LINC02747: variants seen among roughly 807,000 people sequenced by gnomAD.
LINC02747 encodes the protein long independently transcribed non-coding RNA 2747, also known as CCND1-upstream intergenic DNA repair 2.
chr11:69,476,568 C>G (rs1856997118), exon 2 of LINC02747: 1 of 152,178 alleles, frequency 6.6e-6, no homozygotes, highest in African/African-American at 2.4e-5. Flanking sequence ...CACCACCTCC[C>G]CCTTCCCTCT....
exon 2 of LINC02747, chr11:69,476,722 C>T (rs1856999079): frequency 6.6e-6 from 1 of 152,270 alleles, no homozygotes. Context: ...GCCAGAGCCC[C>T]CGGAGCCCCG....
chr11:69,480,524 T>C (rs994811705), intron 1 of LINC02747, among the ~76,000 whole-genome samples: 8 of 152,166 alleles, frequency 5.3e-5, no homozygotes, highest in African/African-American at 1.9e-4. Flanking sequence ...TCTTGGGAAA[T>C]TGAGAAGTCC....
intron 1 of LINC02747, among the ~76,000 whole-genome samples, chr11:69,479,254 CAAAAAAAAA>C (rs34812492): frequency 2.1e-5 from 1 of 47,538 alleles, no homozygotes; most frequent in Non-Finnish European, 4.1e-5. Context: ...GACTCTGTCT[CAAAAAAAAA>C]AAAAAAAAAA....
chr11:69,476,766 C>G (rs1409699174), exon 2 of LINC02747: 2 of 152,230 alleles, frequency 1.3e-5, no homozygotes, highest in Non-Finnish European at 2.9e-5. Flanking sequence ...GACAAAGGGT[C>G]CCTCTAGGGT....
At chr11:69,476,478 C>T (rs1264467276) in exon 2 of LINC02747, 1 of 152,174 alleles carries the variant, frequency 6.6e-6, no homozygotes, top group African/African-American at 2.4e-5. Flanking sequence ...TATCCTGCTC[C>T]TCCCGAGAAC....
At chr11:69,477,820 T>C (rs1857010411) in intron 1 of LINC02747, among the ~76,000 whole-genome samples, 1 of 151,946 alleles carries the variant, frequency 6.6e-6, no homozygotes. Flanking sequence ...GGGCAGGATG[T>C]GGGAACAGCA....
At chr11:69,478,201 G>A (rs1018450520) in intron 1 of LINC02747, among the ~76,000 whole-genome samples, 2 of 152,208 alleles carry the variant, frequency 1.3e-5, no homozygotes, top group Non-Finnish European at 2.9e-5. Context: ...CAGAAAAATG[G>A]AGGCTCCCAG....
chr11:69,479,126 G>A (rs907974407), intron 1 of LINC02747, among the ~76,000 whole-genome samples: 7 of 150,962 alleles, frequency 4.6e-5, no homozygotes, highest in African/African-American at 1.5e-4. Context: ...ATAATGGCGG[G>A]CACCTGCAAT....
At chr11:69,480,729 A>G (rs1270287112) in intron 1 of LINC02747, among the ~76,000 whole-genome samples, 1 of 152,202 alleles carries the variant, frequency 6.6e-6, no homozygotes, top group African/African-American at 2.4e-5. Context: ...TCTGGCACTG[A>G]GCCGGCACTG....
chr11:69,480,118 G>C (rs1021029772), intron 1 of LINC02747, among the ~76,000 whole-genome samples: 6 of 152,186 alleles, frequency 3.9e-5, no homozygotes, highest in African/African-American at 1.4e-4. Context: ...CTGGCTCAAC[G>C]GCTTTATCTG....
chr11:69,478,571 G>A (rs962566895), intron 1 of LINC02747, among the ~76,000 whole-genome samples: 1 of 152,212 alleles, frequency 6.6e-6, no homozygotes, highest in Admixed American at 6.5e-5. Context: ...GGCTGGGCGA[G>A]GTGGCTCATG....
chr11:69,478,356 G>C (rs79244221), intron 1 of LINC02747, among the ~76,000 whole-genome samples: 1,615 of 152,032 alleles, frequency 0.011, 40 homozygotes, highest in African/African-American at 0.037. Flanking sequence ...CCCCACCCCT[G>C]GGGAGGACTT....
intron 1 of LINC02747, among the ~76,000 whole-genome samples, chr11:69,478,384 C>T (rs1016577148): frequency 6.6e-6 from 1 of 152,228 alleles, no homozygotes; most frequent in South Asian, 2.1e-4. Context: ...CGCCTCCACC[C>T]CTGTGCTGAG....
intron 1 of LINC02747, among the ~76,000 whole-genome samples, chr11:69,477,924 A>G (rs550307503): frequency 2.0e-5 from 3 of 152,222 alleles, no homozygotes; most frequent in African/African-American, 7.2e-5. Flanking sequence ...GCATCCAACC[A>G]TGTGCAGGGC....
chr11:69,477,943 G>C (rs972993805), intron 1 of LINC02747, among the ~76,000 whole-genome samples: 1 of 152,198 alleles, frequency 6.6e-6, no homozygotes, highest in Non-Finnish European at 1.5e-5. Context: ...GCCCTTCTGA[G>C]CCCGTGGCCC....
At chr11:69,479,276 A>AAAG (rs1555045071) in intron 1 of LINC02747, among the ~76,000 whole-genome samples, 3 of 147,298 alleles carry the variant, frequency 2.0e-5, no homozygotes, top group East Asian at 1.9e-4. Flanking sequence ...AAAAAAAAAA[A>AAAG]AGAGAGAGAG....
chr11:69,478,661 A>C (rs1165634869), intron 1 of LINC02747, among the ~76,000 whole-genome samples: 1 of 151,526 alleles, frequency 6.6e-6, no homozygotes, highest in Non-Finnish European at 1.5e-5. Context: ...CCTGGTCAAC[A>C]TGTTTCTACC....
chr11:69,480,842 A>G (rs548993789), intron 1 of LINC02747, among the ~76,000 whole-genome samples: 1 of 152,266 alleles, frequency 6.6e-6, no homozygotes, highest in Admixed American at 6.5e-5. Context: ...CCTGCAGACA[A>G]CGCCGTGTGA....
chr11:69,475,989 C>CT (rs1347217566), exon 2 of LINC02747: 2 of 152,214 alleles, frequency 1.3e-5, no homozygotes, highest in Non-Finnish European at 2.9e-5. Context: ...GGAGAGCGTG[C>CT]AGGGGACCCC....
Sources: gnomAD v4.1 joint callset for allele counts (sites outside exome capture counted in the v4.1 genomes callset) on GRCh38, gnomAD v4.1.1 for gene constraint, MANE v1.5 for transcripts, NCBI Gene and HGNC (gene_info 2026-07-23, HGNC 2026-07-21) for gene names.